CIB4: variants seen among roughly 807,000 people sequenced by gnomAD.
CIB4 encodes the protein calcium and integrin-binding family member 4.
In CIB4, 25 loss-of-function variants were observed where a neutral mutation model predicts 25.8. That is an observed-to-expected ratio of 0.97 (90% confidence interval 0.71 to 1.35). CIB4 has a LOEUF of 1.35. CIB4 is among the 40% of genes most tolerant of loss of function. The probability of loss-of-function intolerance (pLI) is 0.00; values close to 1 mark genes in which losing one functional copy is unlikely to be tolerated. For missense variants in CIB4, 235 were observed against 228.2 expected, an observed-to-expected ratio of 1.03 and a Z score of -0.19; for synonymous variants, 75 against 81.4, an observed-to-expected ratio of 0.92 and a Z score of 0.42.
intron 4 of CIB4, among the ~76,000 whole-genome samples, chr2:26,588,466 C>A (rs1464423372): frequency 1.3e-5 from 2 of 152,176 alleles, no homozygotes; most frequent in African/African-American, 4.8e-5. Context: ...CTTGCTGTCT[C>A]CCAACAATGC....
chr2:26,588,745 G>C (rs371174723), intron 4 of CIB4, among the ~76,000 whole-genome samples: 1 of 152,302 alleles, frequency 6.6e-6, no homozygotes, highest in African/African-American at 2.4e-5. Flanking sequence ...AAGGTGCTCC[G>C]GTACCTGCCT....
At chr2:26,610,498 C>T (rs1318828305) in intron 3 of CIB4, among the ~76,000 whole-genome samples, 2 of 152,232 alleles carry the variant, frequency 1.3e-5, no homozygotes, top group African/African-American at 4.8e-5. Context: ...AAACCCCCAG[C>T]TTTCTGTTCT....
At chr2:26,589,083 C>G (rs1668526699) in intron 4 of CIB4, among the ~76,000 whole-genome samples, 1 of 96,248 alleles carries the variant, frequency 1.0e-5, no homozygotes, top group Non-Finnish European at 2.0e-5. Context: ...TCTTCTTCTT[C>G]TTCTTCTTCT....
intron 2 of CIB4, among the ~76,000 whole-genome samples, chr2:26,638,363 T>C (rs1178240218): frequency 6.6e-6 from 1 of 151,930 alleles, no homozygotes; most frequent in Non-Finnish European, 1.5e-5. Context: ...AAGGGAGGCG[T>C]CCATAAGCAT....
At chr2:26,629,569 G>T in intron 2 of CIB4, 63 bp from the exon 3 acceptor site, 1 of 1,144,780 alleles carries the variant, frequency 8.7e-7, no homozygotes, top group Non-Finnish European at 1.3e-6. Context: ...TGTGGCCGGG[G>T]AAAGGAGGCC....
chr2:26,633,502 C>A (rs1214379508), intron 2 of CIB4, among the ~76,000 whole-genome samples: 1 of 152,162 alleles, frequency 6.6e-6, no homozygotes, highest in Non-Finnish European at 1.5e-5. Context: ...ACTCGAGTCA[C>A]CCCCCTGGAA....
Position 26,587,440 on chromosome 2 carries a change from T to C in CIB4, c.329-3542A>G, listed in dbSNP as rs1668479804. On this transcript the variant is annotated intron_variant, in intron 4 of 6. Transcript: ENST00000288861. ...TAAGCCACTGCTACCTGTGTTATAC[T>C]GTCTTTGGCCACCAAATTTAATCCT... Among the ~76,000 whole-genome samples, 2 of 152,144 alleles carry C rather than the reference T, an allele frequency of 1.3e-5. 1 individual carries two copies. The highest frequency in any genetic ancestry group is 4.8e-5 in the African/African-American group (2 of 41,434).
rs576695261 is a variant in CIB4, at chr2:26,616,071, G to A, written c.186+13339C>T. On this transcript the variant is annotated intron_variant, in intron 3 of 6. Coordinates refer to ENST00000288861, the MANE Select transcript of CIB4 (RefSeq NM_001029881.3). Reference sequence around the variant, plus strand: ...TTCCATCAGCCATGTGACTGTGGTGGCTGGGCTGCTTAACCCCTGTGGGCC... The same window carrying A: ...TTCCATCAGCCATGTGACTGTGGTGACTGGGCTGCTTAACCCCTGTGGGCC... Among the ~76,000 whole-genome samples, 16 of 152,324 alleles carry A rather than the reference G, an allele frequency of 1.1e-4. No homozygotes were observed. In the South Asian group the frequency reaches 3.3e-3, roughly 32 times the overall value.
At chr2:26,583,020 T>C (rs1036149481) in intron 5 of CIB4, 107 bp from the exon 6 acceptor site, 2 of 696,068 alleles carry the variant, frequency 2.9e-6, no homozygotes, top group African/African-American at 3.5e-5. Flanking sequence ...TCCCACATGC[T>C]TAACACTTGT....
rs1294870852 is a variant in CIB4 at position 26,641,273 on chromosome 2, C to T, written c.42G>A (p.Leu14=). 3 of 1,613,572 alleles carry T rather than the reference C, an allele frequency of 1.9e-6. No individual in the cohort carries two copies. The South Asian group carries it at 3.3e-5, about 18-fold the overall frequency. The change falls in exon 1 of 7, where the codon CTG becomes CTA. Residue 14 remains leucine, a synonymous_variant. Transcript: ENST00000288861. ...CCGATCTACCCACCTGGTACTCTTCCAGGTCCTCCCAGTGCATCTGATACC... is the reference window on the plus strand; with the variant it reads ...CCGATCTACCCACCTGGTACTCTTCTAGGTCCTCCCAGTGCATCTGATACC... ...CLRYQMHWED[L]EEYQALTFLT...
intron 3 of CIB4, among the ~76,000 whole-genome samples, chr2:26,611,668 A>G (rs1668997818): frequency 6.6e-6 from 1 of 152,366 alleles, no homozygotes; most frequent in South Asian, 2.1e-4. Flanking sequence ...GAGAAAAATA[A>G]TAGATGAGGG....
chr2:26,614,125 G>A lies in CIB4; in HGVS notation c.186+15285C>T, dbSNP rs1669048809. 2.0e-5 allele frequency among the ~76,000 whole-genome samples: 3 copies of A among 152,192 alleles called. 1 individual carries two copies. The South Asian group carries it at 6.2e-4, about 32-fold the overall frequency. On this transcript the variant is annotated intron_variant, in intron 3 of 6. Transcript: ENST00000288861. Reference sequence around the variant, plus strand: ...ATTAGGAGGCCCGAAGAGGGGAGGGGGTACTTCAGGAACGATATTGTTTAT... The same window carrying A: ...ATTAGGAGGCCCGAAGAGGGGAGGGAGTACTTCAGGAACGATATTGTTTAT...
intron 3 of CIB4, among the ~76,000 whole-genome samples, chr2:26,615,844 T>C (rs1669081973): frequency 6.6e-6 from 1 of 152,260 alleles, no homozygotes; most frequent in Admixed American, 6.5e-5. Context: ...TTTGGCTGAA[T>C]GTCTAAATAA....
At chr2:26,597,557 T>C (rs1668703861) in intron 3 of CIB4, among the ~76,000 whole-genome samples, 1 of 152,232 alleles carries the variant, frequency 6.6e-6, no homozygotes, top group Non-Finnish European at 1.5e-5. Context: ...TAGCTATATG[T>C]AAACAATAGC....
At chr2:26,613,889 C>A (rs1669043654) in intron 3 of CIB4, among the ~76,000 whole-genome samples, 1 of 152,232 alleles carries the variant, frequency 6.6e-6, no homozygotes, top group South Asian at 2.1e-4. Context: ...TGTGTCCCCG[C>A]ATCTCAGCTG....
intron 4 of CIB4, among the ~76,000 whole-genome samples, chr2:26,591,990 A>G (rs762112562): frequency 6.6e-6 from 1 of 152,264 alleles, no homozygotes; most frequent in Non-Finnish European, 1.5e-5. Context: ...GGCAGCTTGC[A>G]AAACCCTAAG....
At chr2:26,638,677 G>T (rs1295262625) in intron 2 of CIB4, among the ~76,000 whole-genome samples, 1 of 152,164 alleles carries the variant, frequency 6.6e-6, no homozygotes, top group Non-Finnish European at 1.5e-5. Context: ...TGTAGGCCGG[G>T]TGCAGTGGCT....
At chr2:26,593,608 A>G (rs185984953) in intron 4 of CIB4, among the ~76,000 whole-genome samples, 2 of 152,308 alleles carry the variant, frequency 1.3e-5, no homozygotes, top group African/African-American at 4.8e-5. Context: ...GAATTCATCA[A>G]TGAAAACAAA....
At chr2:26,592,080 CTAAGCTTGTGG>C (rs561613578) in intron 4 of CIB4, among the ~76,000 whole-genome samples, 28 of 152,254 alleles carry the variant, frequency 1.8e-4, no homozygotes, top group Non-Finnish European at 2.8e-4. Flanking sequence ...TCTAAAGCCT[CTAAGCTTGTGG>C]TAATTTCTTA....
Sources: gnomAD v4.1 joint callset for allele counts (sites outside exome capture counted in the v4.1 genomes callset) on GRCh38, gnomAD v4.1.1 for gene constraint, MANE v1.5 for transcripts, NCBI Gene and HGNC (gene_info 2026-07-23, HGNC 2026-07-21) for gene names.